HAUS6: variants seen among roughly 807,000 people sequenced by gnomAD.
The protein encoded by HAUS6 is HAUS augmin-like complex subunit 6.
Under a neutral mutation model 106.8 loss-of-function variants are expected in HAUS6, and 80 were observed. The ratio of observed to expected loss-of-function variants is 0.75; its 90% CI spans 0.63 to 0.90. The LOEUF (loss-of-function observed/expected upper bound fraction) is 0.90. Among genes scored for constraint, HAUS6 ranks in the 40% least tolerant of loss-of-function variants. The probability of loss-of-function intolerance (pLI) is 0.00; values close to 1 mark genes in which losing one functional copy is unlikely to be tolerated. For missense variants in HAUS6, 1,155 were observed against 1,118.1 expected, an observed-to-expected ratio of 1.03 and a Z score of -0.47; for synonymous variants, 356 against 379.1, an observed-to-expected ratio of 0.94 and a Z score of 0.71.
chr9:19,063,288 T>C (rs1836672003), intron 13 of HAUS6, 95 bp from the exon 14 acceptor site: 2 of 821,548 alleles, frequency 2.4e-6, no homozygotes, highest in Non-Finnish European at 3.8e-6. Context: ...CATGAACCTA[T>C]AAAAGGTTGT....
chr9:19,077,938 G>C (rs1352098689), intron 10 of HAUS6, among the ~76,000 whole-genome samples: 1 of 152,074 alleles, frequency 6.6e-6, no homozygotes, highest in Non-Finnish European at 1.5e-5. Flanking sequence ...GTGCAAACCT[G>C]TAGTCCCAGC....
At chr9:19,089,604 T>C (rs1817702960) in intron 4 of HAUS6, 45 bp from the exon 5 acceptor site, 2 of 1,456,486 alleles carry the variant, frequency 1.4e-6, no homozygotes, top group Admixed American at 1.9e-5. Context: ...GCTGGTCTGA[T>C]AGTAGTGGGT....
intron 11 of HAUS6, among the ~76,000 whole-genome samples, chr9:19,075,275 T>C (rs1836971085): frequency 6.6e-6 from 1 of 152,234 alleles, no homozygotes; most frequent in Non-Finnish European, 1.5e-5. Context: ...GGTATGAGGT[T>C]TCTTTTTCAA....
intron 1 of HAUS6, among the ~76,000 whole-genome samples, chr9:19,097,117 G>C (rs185057036): frequency 3.0e-4 from 45 of 152,174 alleles, no homozygotes; most frequent in Admixed American, 2.6e-3. Flanking sequence ...TTTATTAAGA[G>C]TACATGTTAG....
chr9:19,062,700 C>CT (rs1354971343), intron 14 of HAUS6, among the ~76,000 whole-genome samples: 1 of 152,162 alleles, frequency 6.6e-6, no homozygotes, highest in Admixed American at 6.5e-5. Context: ...CTCAGTCTGT[C>CT]ACTCAGGCTG....
intron 16 of HAUS6, 188 bp from the exon 17 acceptor site, chr9:19,056,592 G>T: frequency 1.9e-6 from 1 of 513,076 alleles, no homozygotes. Context: ...ATTCCTCCCA[G>T]AGTACTTTTT....
intron 7 of HAUS6, among the ~76,000 whole-genome samples, chr9:19,086,398 A>T (rs1837296636): frequency 6.6e-6 from 1 of 152,156 alleles, no homozygotes; most frequent in Admixed American, 6.6e-5. Context: ...AGGCATGCAG[A>T]TCATCTGAGC....
At chr9:19,091,788 A>G (rs1016044453) in intron 4 of HAUS6, among the ~76,000 whole-genome samples, 2 of 152,086 alleles carry the variant, frequency 1.3e-5, no homozygotes, top group African/African-American at 4.8e-5. Flanking sequence ...CAGCCTCCCA[A>G]GTAGCTGGGA....
intron 14 of HAUS6, among the ~76,000 whole-genome samples, chr9:19,061,326 A>G (rs1319937216): frequency 6.6e-6 from 1 of 152,226 alleles, no homozygotes; most frequent in Non-Finnish European, 1.5e-5. Context: ...TCAGAGCTTC[A>G]TGAAATTTTA....
intron 12 of HAUS6, among the ~76,000 whole-genome samples, chr9:19,065,299 T>C (rs1442862731): frequency 6.6e-6 from 1 of 152,186 alleles, no homozygotes; most frequent in South Asian, 2.1e-4. Flanking sequence ...TTGAGGCCTA[T>C]GAAATCCTAG....
intron 8 of HAUS6, among the ~76,000 whole-genome samples, chr9:19,081,138 A>C (rs1277690228): frequency 1.3e-5 from 2 of 152,178 alleles, no homozygotes; most frequent in African/African-American, 4.8e-5. Flanking sequence ...AAAATGACGT[A>C]AATAATTTTG....
chr9:19,080,764 T>C, intron 8 of HAUS6, 92 bp from the exon 9 acceptor site: 1 of 742,256 alleles, frequency 1.3e-6, no homozygotes, highest in Non-Finnish European at 2.2e-6. Flanking sequence ...ACTATTAAAG[T>C]TTACCTTAAA....
chr9:19,061,918 G>C (rs1421282603), intron 14 of HAUS6, among the ~76,000 whole-genome samples: 2 of 152,184 alleles, frequency 1.3e-5, no homozygotes, highest in East Asian at 3.8e-4. Context: ...CAATAAAGGA[G>C]GGAACTCTAA....
intron 11 of HAUS6, among the ~76,000 whole-genome samples, chr9:19,071,314 A>G (rs992357016): frequency 2.0e-5 from 3 of 152,222 alleles, no homozygotes; most frequent in Non-Finnish European, 2.9e-5. Flanking sequence ...GATACAAAAA[A>G]GTTGTAAATA....
chr9:19,087,426 T>C (rs767730454), intron 5 of HAUS6, among the ~76,000 whole-genome samples: 3 of 152,180 alleles, frequency 2.0e-5, no homozygotes, highest in Non-Finnish European at 4.4e-5. Flanking sequence ...TCATCTCACA[T>C]ACCCAGGAAT....
At chr9:19,084,014 G>A (rs1318697668) in intron 7 of HAUS6, among the ~76,000 whole-genome samples, 1 of 146,196 alleles carries the variant, frequency 6.8e-6, no homozygotes, top group African/African-American at 2.6e-5. Flanking sequence ...TACTCAGAAG[G>A]CTGAGGTAAA....
intron 8 of HAUS6, among the ~76,000 whole-genome samples, chr9:19,081,223 G>C (rs62563641): frequency 2.0e-5 from 3 of 151,986 alleles, no homozygotes; most frequent in African/African-American, 7.3e-5. Context: ...TACACAAAAG[G>C]TTGAAAACTA....
chr9:19,060,306 C>G, intron 14 of HAUS6, 83 bp from the exon 15 acceptor site: 1 of 1,092,750 alleles, frequency 9.2e-7, no homozygotes. Context: ...GGATAATAAG[C>G]ACTTCACAGT....
At chr9:19,079,523 G>A (rs1837090500) in intron 9 of HAUS6, among the ~76,000 whole-genome samples, 2 of 151,918 alleles carry the variant, frequency 1.3e-5, no homozygotes, top group South Asian at 4.2e-4. Context: ...GAGCCACCAT[G>A]CCCAGCTACT....
Sources: gnomAD v4.1 joint callset for allele counts (sites outside exome capture counted in the v4.1 genomes callset) on GRCh38, gnomAD v4.1.1 for gene constraint, MANE v1.5 for transcripts, NCBI Gene and HGNC (gene_info 2026-07-23, HGNC 2026-07-21) for gene names.